The following ABCA13 variants were observed in gnomAD, a reference collection of about 807,000 sequenced individuals.
ABCA13 encodes ATP-binding cassette sub-family A member 13.
A neutral mutation model predicts 478.7 loss-of-function variants in ABCA13; 476 were observed. The ratio of observed to expected loss-of-function variants is 0.99; its 90% CI spans 0.92 to 1.07. The LOEUF (loss-of-function observed/expected upper bound fraction) is 1.07, where lower values mean the gene tolerates loss of function less well. Ranked by LOEUF, ABCA13 falls within the 50% of genes least tolerant of loss-of-function variation. The probability of loss-of-function intolerance (pLI) is 0.00; values close to 1 mark genes in which losing one functional copy is unlikely to be tolerated. For missense variants in ABCA13, 6,060 were observed against 5,910.6 expected (o/e 1.03, Z -0.83); for synonymous variants, 2,252 against 2,158.9 (o/e 1.04, Z -1.20).
intron 27 of ABCA13, among the ~76,000 whole-genome samples, chr7:48,323,234 A>T (rs558864646): frequency 1.3e-5 from 2 of 152,198 alleles, no homozygotes; most frequent in Non-Finnish European, 2.9e-5. Context: ...TATAAGCTTC[A>T]TGAGGGGCAG....
intron 15 of ABCA13, among the ~76,000 whole-genome samples, chr7:48,254,275 C>A (rs1006268526): frequency 6.6e-6 from 1 of 150,948 alleles, no homozygotes; most frequent in African/African-American, 2.4e-5. Context: ...AACTTTTTTT[C>A]TTTTAAGAGG....
At chr7:48,522,583 T>A (rs915591920) in intron 53 of ABCA13, among the ~76,000 whole-genome samples, 1 of 152,204 alleles carries the variant, frequency 6.6e-6, no homozygotes, top group African/African-American at 2.4e-5. Flanking sequence ...CGTTTGTTAG[T>A]CATTTTCAGT....
At chr7:48,175,565 C>T (rs1278303892) in intron 1 of ABCA13, among the ~76,000 whole-genome samples, 8 of 152,094 alleles carry the variant, frequency 5.3e-5, no homozygotes, top group Non-Finnish European at 7.4e-5. Context: ...GGATTACAGG[C>T]GAGTGCCACC....
At chr7:48,436,292 A>G (rs911339036) in intron 42 of ABCA13, among the ~76,000 whole-genome samples, 4 of 151,708 alleles carry the variant, frequency 2.6e-5, no homozygotes, top group African/African-American at 7.2e-5. Flanking sequence ...CATCTTATCT[A>G]GGTCATCAAA....
At chr7:48,394,031 T>C (rs1383943547) in intron 38 of ABCA13, among the ~76,000 whole-genome samples, 1 of 152,176 alleles carries the variant, frequency 6.6e-6, no homozygotes, top group African/African-American at 2.4e-5. Flanking sequence ...CCCCAGATCA[T>C]GGTCTAGCTT....
rs749364642 is a variant in ABCA13, at chr7:48,403,769, G to A, written c.11960G>A (p.Gly3987Asp). ...GGCCTGAAGAGGAAGCTCTCCCTTG[G>A]CATTGCTTTCATGGGCATGTCGAGG... ...SGGLKRKLSL[G>D]IAFMGMSRTV... Residue 3987 changes from glycine to aspartate, a missense_variant, in exon 39 of 62, where the codon GGC becomes GAC. Gly to Asp is a moderately conservative substitution (Grantham distance 94). Transcript: ENST00000435803. 5.0e-5 allele frequency: 80 copies of A among 1,613,852 alleles called. No individual in the cohort carries two copies. Among genetic ancestry groups the A allele is most frequent in the South Asian group, 1.5e-4 (14 of 91,078 alleles).
At chr7:48,636,988 C>A (rs1385535286) in intron 59 of ABCA13, among the ~76,000 whole-genome samples, 1 of 152,088 alleles carries the variant, frequency 6.6e-6, no homozygotes, top group Non-Finnish European at 1.5e-5. Flanking sequence ...TATTTAAGGG[C>A]TGTATTACAT....
At chr7:48,270,922 C>A (rs1163684734) in intron 16 of ABCA13, among the ~76,000 whole-genome samples, 1 of 152,158 alleles carries the variant, frequency 6.6e-6, no homozygotes, top group Non-Finnish European at 1.5e-5. Context: ...ACAACTCATT[C>A]AGCAAAGATT....
intron 55 of ABCA13, among the ~76,000 whole-genome samples, chr7:48,561,929 A>C (rs764221636): frequency 7.9e-5 from 12 of 152,046 alleles, no homozygotes; most frequent in Non-Finnish European, 1.3e-4. Context: ...TAAGTGTCCA[A>C]TTTCATTCTT....
At chr7:48,427,129 C>T (rs990744943) in intron 41 of ABCA13, among the ~76,000 whole-genome samples, 26 of 152,168 alleles carry the variant, frequency 1.7e-4, no homozygotes, top group Admixed American at 1.7e-3. Flanking sequence ...ATGTCTCCAC[C>T]CCACCTCATT....
In ABCA13 at chr7:48,376,469, T is replaced by C. The variant is rs377637592; in HGVS notation, c.11232T>C (p.Ala3744=). ...TGIQWNNMYQ[A]LEQGGMTFGW... ...TTCAATGGAATAATATGTACCAGGCTCTGGAACAAGGGGGCATGACATTTG... is the reference window on the plus strand; with the variant it reads ...TTCAATGGAATAATATGTACCAGGCCCTGGAACAAGGGGGCATGACATTTG... Residue 3744 remains alanine, a synonymous_variant, in exon 35 of 62, where the codon GCT becomes GCC. Transcript: ENST00000435803. 4.0e-5 allele frequency: 65 copies of C among 1,613,902 alleles called. 1 individual carries two copies. In the African/African-American group the frequency reaches 7.7e-4, roughly 19 times the overall value.
At chr7:48,358,189 G>C (rs1810244763) in intron 31 of ABCA13, among the ~76,000 whole-genome samples, 1 of 131,486 alleles carries the variant, frequency 7.6e-6, no homozygotes, top group African/African-American at 2.8e-5. Flanking sequence ...GACAGGACAG[G>C]ACAGGACAGG....
In ABCA13 at chr7:48,346,136, T is replaced by C; in HGVS notation, c.10205-4507T>C. On this transcript the variant is annotated intron_variant, in intron 29 of 61. Transcript: ENST00000435803. ...TCCACTCTGTGATGTTCACACACGA[T>C]GAAATTGCCTAATGCTGCCTTTTTA... Among the ~76,000 whole-genome samples, 2 of 152,162 alleles carry C rather than the reference T, an allele frequency of 1.3e-5. 1 individual carries two copies. Among genetic ancestry groups the C allele is most frequent in the Middle Eastern group, 6.4e-3 (2 of 314 alleles).
chr7:48,299,376 C>A lies in ABCA13; in HGVS notation c.9321+889C>A, dbSNP rs1294493742. Among the ~76,000 whole-genome samples the A allele has an allele frequency of 3.9e-5, 6 of 152,120 alleles. 1 individual carries two copies. The South Asian group carries it at 1.2e-3, about 32-fold the overall frequency. The stretch of plus-strand genomic sequence containing the variant: ...ATCTAAATTAAAAAGAGATTAGAAG[C>A]TGGGAAACCAAAATTCAAATGACAG... On this transcript the variant is annotated intron_variant, in intron 23 of 61. Transcript: ENST00000435803.
At chr7:48,430,133 G>C (rs1385744227) in intron 42 of ABCA13, among the ~76,000 whole-genome samples, 1 of 152,082 alleles carries the variant, frequency 6.6e-6, no homozygotes, top group African/African-American at 2.4e-5. Context: ...TCAATGTTTT[G>C]TGGAATTCAC....
chr7:48,478,102 G>T (rs1187160018), intron 45 of ABCA13, among the ~76,000 whole-genome samples: 1 of 150,664 alleles, frequency 6.6e-6, no homozygotes, highest in African/African-American at 2.4e-5. Context: ...CATCAAGGTT[G>T]GCTGATTTAT....
At position 48,511,203 on chromosome 7, in the gene ABCA13, T is replaced by A; in HGVS notation, c.13640+4T>A. The A allele has an allele frequency of 6.2e-7, 1 of 1,605,572 alleles. No individual in the cohort carries two copies. The highest frequency in any genetic ancestry group is 2.2e-5 in the East Asian group (1 of 44,710). Reference sequence around the variant, plus strand: ...CCCTCCTGCTGTCACTTTTCGGGTATGTGATGAGAAACGCTGCTGCAGAAT... The same window carrying A: ...CCCTCCTGCTGTCACTTTTCGGGTAAGTGATGAGAAACGCTGCTGCAGAAT... On this transcript the variant is annotated splice_donor_region_variant and intron_variant, in intron 51 of 61. Transcript: ENST00000435803.
intron 58 of ABCA13, among the ~76,000 whole-genome samples, chr7:48,599,161 A>G (rs1790608197): frequency 6.6e-6 from 1 of 151,632 alleles, no homozygotes; most frequent in South Asian, 2.1e-4. Flanking sequence ...ATCTTGAAAT[A>G]TTTTTCAATT....
chr7:48,398,077 T>G (rs990771665), intron 38 of ABCA13, among the ~76,000 whole-genome samples: 1 of 152,230 alleles, frequency 6.6e-6, no homozygotes, highest in Non-Finnish European at 1.5e-5. Flanking sequence ...TTTGTACTAT[T>G]GAAAGCTGTC....
Sources: gnomAD v4.1 joint callset for allele counts (sites outside exome capture counted in the v4.1 genomes callset) on GRCh38, gnomAD v4.1.1 for gene constraint, MANE v1.5 for transcripts, NCBI Gene and HGNC (gene_info 2026-07-23, HGNC 2026-07-21) for gene names.